Variants in JAM3 observed in about 807,000 individuals in gnomAD.
JAM3 encodes junctional adhesion molecule C.
A neutral mutation model predicts 39.4 loss-of-function variants in JAM3; 31 were observed. The ratio of observed to expected loss-of-function variants is 0.79; its 90% CI spans 0.59 to 1.06. The LOEUF is 1.06. Among genes scored for constraint, JAM3 ranks in the 50% least tolerant of loss-of-function variants. The pLI, the probability that JAM3 is intolerant of heterozygous loss-of-function variation, is 0.00. For missense variants in JAM3, 455 were observed against 391.4 expected, an observed-to-expected ratio of 1.16 and a Z score of -1.37; for synonymous variants, 182 against 148.7, an observed-to-expected ratio of 1.22 and a Z score of -1.63.
chr11:134,069,456 G>A (rs1295067137), intron 1 of JAM3, among the ~76,000 whole-genome samples: 1 of 149,138 alleles, frequency 6.7e-6, no homozygotes, highest in African/African-American at 2.4e-5. Context: ...GTCGGACCCC[G>A]GGGGCGGGCT....
chr11:134,093,732 A>G (rs79696570), intron 1 of JAM3, among the ~76,000 whole-genome samples: 28 of 56,098 alleles, frequency 5.0e-4, no homozygotes, highest in African/African-American at 1.8e-3. Flanking sequence ...CTTCTCCTGA[A>G]CCCTCCTTAT....
chr11:134,117,143 T>A (rs1051294925), intron 1 of JAM3, among the ~76,000 whole-genome samples: 1 of 151,780 alleles, frequency 6.6e-6, no homozygotes, highest in African/African-American at 2.4e-5. Flanking sequence ...GGGTGGATCA[T>A]CTGAGGTCAG....
intron 1 of JAM3, among the ~76,000 whole-genome samples, chr11:134,107,951 T>G (rs1467413519): frequency 6.6e-6 from 1 of 151,526 alleles, no homozygotes. Context: ...ATAATAAAGG[T>G]AAAAGCAGAA....
chr11:134,148,434 G>A, intron 6 of JAM3, 113 bp from the exon 7 acceptor site: 1 of 1,366,196 alleles, frequency 7.3e-7, no homozygotes, highest in African/African-American at 1.4e-5. Flanking sequence ...TAGGCCTGAG[G>A]GGGCAGGGGG....
chr11:134,113,563 G>A lies in JAM3; in HGVS notation c.77-26288G>A, dbSNP rs145451223. On this transcript the variant is annotated intron_variant, in intron 1 of 8. Transcript: ENST00000299106. The stretch of plus-strand genomic sequence containing the variant: ...CTGCATAGTATTCCATGGTGTATAT[G>A]TGCCACATTTTCTTAATCCAGTCTA... Among the ~76,000 whole-genome samples the A allele has an allele frequency of 9.0e-3, 1,373 of 152,296 alleles. 20 individuals are homozygous for A. Among genetic ancestry groups the A allele is most frequent in the African/African-American group, 0.03 (1,246 of 41,562 alleles).
intron 1 of JAM3, among the ~76,000 whole-genome samples, chr11:134,134,405 A>AAAAAC (rs924997421): frequency 2.0e-5 from 3 of 150,586 alleles, no homozygotes; most frequent in Non-Finnish European, 4.4e-5. Context: ...TGCCAAAAAA[A>AAAAAC]AAAAAAAAAA....
At chr11:134,101,458 A>G (rs1346252459) in intron 1 of JAM3, among the ~76,000 whole-genome samples, 1 of 152,182 alleles carries the variant, frequency 6.6e-6, no homozygotes, top group African/African-American at 2.4e-5. Context: ...TTTCCATCCT[A>G]GTGGAGAGAA....
intron 1 of JAM3, among the ~76,000 whole-genome samples, chr11:134,080,404 C>A (rs565043174): frequency 5.3e-5 from 8 of 152,206 alleles, no homozygotes; most frequent in Non-Finnish European, 1.0e-4. Flanking sequence ...TGTGTCCCCA[C>A]CCAAATCTTG....
At chr11:134,088,037 C>T (rs1267651738) in intron 1 of JAM3, among the ~76,000 whole-genome samples, 1 of 152,174 alleles carries the variant, frequency 6.6e-6, no homozygotes, top group Non-Finnish European at 1.5e-5. Flanking sequence ...CAGTTGGGAA[C>T]CACTGCTGTA....
chr11:134,124,729 G>A (rs1209911411), intron 1 of JAM3, among the ~76,000 whole-genome samples: 2 of 151,978 alleles, frequency 1.3e-5, no homozygotes, highest in Non-Finnish European at 2.9e-5. Context: ...AAAAAAAAAA[G>A]CCAGCTATTT....
At chr11:134,114,335 T>C (rs1248920772) in intron 1 of JAM3, among the ~76,000 whole-genome samples, 1 of 152,240 alleles carries the variant, frequency 6.6e-6, no homozygotes. Context: ...TTTAAGTCTT[T>C]AATCCATCTT....
intron 1 of JAM3, among the ~76,000 whole-genome samples, chr11:134,123,529 A>G (rs1381515826): frequency 5.9e-5 from 9 of 152,226 alleles, no homozygotes; most frequent in Non-Finnish European, 1.3e-4. Flanking sequence ...AAGTTTAAAA[A>G]GACAGATTTC....
At chr11:134,119,448 A>G (rs774389862) in intron 1 of JAM3, among the ~76,000 whole-genome samples, 1 of 152,228 alleles carries the variant, frequency 6.6e-6, no homozygotes, top group Non-Finnish European at 1.5e-5. Flanking sequence ...AAGAAGTGCC[A>G]TTGCCAGAGT....
rs994660897 is a variant in JAM3, at chr11:134,136,888, C to T, written c.77-2963C>T. Among the ~76,000 whole-genome samples, 19 of 152,182 alleles carry T rather than the reference C, an allele frequency of 1.2e-4. No homozygotes were observed. The East Asian group carries it at 2.5e-3, about 20-fold the overall frequency. The stretch of plus-strand genomic sequence containing the variant: ...CAGCACTTTGGGAGGCCGAGGCGGA[C>T]GGATCACAAGGTCAGGAGATCGAGA... On this transcript the variant is annotated intron_variant, in intron 1 of 8. Transcript: ENST00000299106.
chr11:134,078,222 C>A (rs371232808), intron 1 of JAM3, among the ~76,000 whole-genome samples: 1 of 151,598 alleles, frequency 6.6e-6, no homozygotes. Flanking sequence ...CAAGTTCAAG[C>A]GATTCTCCCG....
At chr11:134,141,637 GCAGAGGCCCAAGT>G (rs1406755332) in intron 3 of JAM3, among the ~76,000 whole-genome samples, 15 of 152,240 alleles carry the variant, frequency 9.9e-5, no homozygotes, top group Non-Finnish European at 1.8e-4. Flanking sequence ...ACAACTCAGA[GCAGAGGCCCAAGT>G]CAGAGGCCTT....
At chr11:134,122,097 G>T (rs1052920616) in intron 1 of JAM3, among the ~76,000 whole-genome samples, 2 of 152,148 alleles carry the variant, frequency 1.3e-5, no homozygotes, top group Non-Finnish European at 2.9e-5. Context: ...TTTCTGGGAT[G>T]GGAGAAGAGA....
chr11:134,124,626 C>G (rs1457113013), intron 1 of JAM3, among the ~76,000 whole-genome samples: 1 of 152,078 alleles, frequency 6.6e-6, no homozygotes, highest in African/African-American at 2.4e-5. Context: ...CATTTAGGCA[C>G]TAGTGAGGCA....
chr11:134,141,119 G>A (rs1942966205), intron 3 of JAM3, among the ~76,000 whole-genome samples: 1 of 152,020 alleles, frequency 6.6e-6, no homozygotes, highest in South Asian at 2.1e-4. Flanking sequence ...GAATGAGAAG[G>A]ACCATATGTT....
Sources: allele counts gnomAD v4.1 joint callset (sites outside exome capture counted in the v4.1 genomes callset), GRCh38; gene constraint gnomAD v4.1.1; transcripts MANE v1.5; gene names NCBI Gene and HGNC (gene_info 2026-07-23, HGNC 2026-07-21).